The following TMEM74 variants were observed in gnomAD, a reference collection of about 807,000 sequenced individuals.
TMEM74 encodes transmembrane protein 74.
In TMEM74, 13 loss-of-function variants were observed where a neutral mutation model predicts 18.1. The ratio of observed to expected loss-of-function variants is 0.72; its 90% CI spans 0.47 to 1.14. The LOEUF (loss-of-function observed/expected upper bound fraction) is 1.14. TMEM74 is among the 50% of genes most tolerant of loss of function. TMEM74 has a pLI of 0.00. For synonymous variants in TMEM74, 159 were observed against 146.6 expected, an observed-to-expected ratio of 1.08 and a Z score of -0.61; for missense variants, 372 against 375.9, an observed-to-expected ratio of 0.99 and a Z score of 0.09.
In TMEM74 at chr8:108,784,768, AAG is replaced by A; in HGVS notation, c.329_330del (p.Ser110PhefsTer24). The A allele has an allele frequency of 6.2e-7, 1 of 1,614,112 alleles. No homozygotes were observed. Among genetic ancestry groups the A allele is most frequent in the Non-Finnish European group, 8.5e-7 (1 of 1,180,014 alleles). ...TTGATGTTTTTGTCCACATAGGTAAAAGAAGTTTCTAATTCCTGGCTGCAGCA... is the reference window on the plus strand; with the variant it reads ...TTGATGTTTTTGTCCACATAGGTAAAAAGTTTCTAATTCCTGGCTGCAGCA... ...CNCCSQELET[S>X]FTYVDKNINL... On this transcript the variant is annotated frameshift_variant, in exon 2 of 2. Coordinates refer to ENST00000297459, the MANE Select transcript of TMEM74 (RefSeq NM_153015.3). LOFTEE classifies it high-confidence loss of function.
chr8:108,726,974 A>G (rs946040264), intron 1 of TMEM74, among the ~76,000 whole-genome samples: 1 of 152,192 alleles, frequency 6.6e-6, no homozygotes, highest in African/African-American at 2.4e-5. Flanking sequence ...CATCTGAATG[A>G]AAAGGGAAGT....
chr8:108,678,542 T>C (rs1161434688), intron 1 of TMEM74, among the ~76,000 whole-genome samples: 1 of 150,892 alleles, frequency 6.6e-6, no homozygotes, highest in Non-Finnish European at 1.5e-5. Flanking sequence ...TTTTTTTTTT[T>C]TTGTATTTTT....
chr8:108,731,383 T>C (rs1199776629), intron 1 of TMEM74, among the ~76,000 whole-genome samples: 1 of 152,190 alleles, frequency 6.6e-6, no homozygotes, highest in East Asian at 1.9e-4. Flanking sequence ...CATATCAATT[T>C]AACATAGTGA....
intron 1 of TMEM74, among the ~76,000 whole-genome samples, chr8:108,659,874 C>T (rs974841528): frequency 1.3e-5 from 2 of 152,122 alleles, no homozygotes; most frequent in African/African-American, 4.8e-5. Flanking sequence ...GACTGGTCTA[C>T]ATCCAATTAC....
At chr8:108,767,560 C>T (rs4735076) in intron 1 of TMEM74, among the ~76,000 whole-genome samples, 11,308 of 152,170 alleles carry the variant, frequency 0.074, 618 homozygotes, top group East Asian at 0.22. Flanking sequence ...ATCTGTGTGA[C>T]AAATTCTCCA....
chr8:108,656,619 A>C (rs1349012945), intron 1 of TMEM74, among the ~76,000 whole-genome samples: 1 of 152,190 alleles, frequency 6.6e-6, no homozygotes, highest in Non-Finnish European at 1.5e-5. Context: ...AACCACTCTT[A>C]GGATGACTTC....
At chr8:108,755,650 A>T (rs573112386) in intron 1 of TMEM74, among the ~76,000 whole-genome samples, 30 of 152,160 alleles carry the variant, frequency 2.0e-4, no homozygotes, top group African/African-American at 7.0e-4. Context: ...ATACCTCACA[A>T]ATTGCTTTTT....
intron 2 of TMEM74, among the ~76,000 whole-genome samples, chr8:108,653,483 T>C (rs139930260): frequency 6.6e-5 from 10 of 152,288 alleles, no homozygotes; most frequent in Non-Finnish European, 1.2e-4. Context: ...TTATCTCCCA[T>C]ACTTCCTAGT....
At chr8:108,693,007 G>A (rs1813246024) in intron 1 of TMEM74, among the ~76,000 whole-genome samples, 1 of 152,182 alleles carries the variant, frequency 6.6e-6, no homozygotes, top group Non-Finnish European at 1.5e-5. Flanking sequence ...GGCAGAGAGG[G>A]CTGCTTTAGC....
At chr8:108,666,321 C>T (rs1232764440) in intron 1 of TMEM74, among the ~76,000 whole-genome samples, 3 of 152,068 alleles carry the variant, frequency 2.0e-5, no homozygotes, top group Non-Finnish European at 4.4e-5. Flanking sequence ...GCTTAGGAGC[C>T]ACAGTAACTA....
intron 1 of TMEM74, among the ~76,000 whole-genome samples, chr8:108,662,141 C>A (rs1040654022): frequency 2.0e-5 from 3 of 151,948 alleles, no homozygotes; most frequent in Non-Finnish European, 4.4e-5. Flanking sequence ...GGAGATAGAG[C>A]CTTCCACAGT....
chr8:108,607,777 G>A (rs1014904000), intron 3 of TMEM74: 2 of 152,120 alleles, frequency 1.3e-5, no homozygotes, highest in African/African-American at 4.8e-5. Context: ...TGTAAAACAA[G>A]CAAGAAAATG....
intron 1 of TMEM74, among the ~76,000 whole-genome samples, chr8:108,679,079 T>A (rs374760303): frequency 6.6e-6 from 1 of 152,144 alleles, no homozygotes; most frequent in East Asian, 1.9e-4. Context: ...ACATGAACTC[T>A]TCATTTTTTA....
chr8:108,745,843 C>T (rs1813843668), intron 1 of TMEM74, among the ~76,000 whole-genome samples: 2 of 152,168 alleles, frequency 1.3e-5, no homozygotes, highest in Admixed American at 1.3e-4. Context: ...GTTATGTTAT[C>T]TATAGATTAC....
chr8:108,727,298 A>C (rs1813648628), intron 1 of TMEM74, among the ~76,000 whole-genome samples: 1 of 152,210 alleles, frequency 6.6e-6, no homozygotes, highest in Non-Finnish European at 1.5e-5. Context: ...ATAATTGCAA[A>C]GACAGAAAAC....
At chr8:108,771,415 G>A (rs545262165) in intron 1 of TMEM74, among the ~76,000 whole-genome samples, 263 of 152,190 alleles carry the variant, frequency 1.7e-3, no homozygotes, top group Middle Eastern at 6.8e-3. Flanking sequence ...TAGAAAAAAG[G>A]AAAGACAAAT....
intron 2 of TMEM74, among the ~76,000 whole-genome samples, chr8:108,614,229 G>A (rs571998363): frequency 2.0e-5 from 3 of 152,180 alleles, no homozygotes; most frequent in Non-Finnish European, 4.4e-5. Flanking sequence ...TTGCAATACT[G>A]CTGCCCTTTC....
chr8:108,651,871 T>G (rs1439137978), intron 2 of TMEM74, among the ~76,000 whole-genome samples: 1 of 152,044 alleles, frequency 6.6e-6, no homozygotes, highest in African/African-American at 2.4e-5. Flanking sequence ...AACTGTTCAC[T>G]GGTGAGCTGG....
chr8:108,710,495 C>T (rs1164405453), intron 1 of TMEM74, among the ~76,000 whole-genome samples: 3 of 152,320 alleles, frequency 2.0e-5, no homozygotes, highest in Non-Finnish European at 2.9e-5. Context: ...GGGTTAGGTT[C>T]CAGCTCATGC....
Sources: allele counts gnomAD v4.1 joint callset (sites outside exome capture counted in the v4.1 genomes callset), GRCh38; gene constraint gnomAD v4.1.1; transcripts MANE v1.5; gene names NCBI Gene and HGNC (gene_info 2026-07-23, HGNC 2026-07-21).